The following TRPC5OS variants were observed in gnomAD, a reference collection of about 807,000 sequenced individuals.
The protein encoded by TRPC5OS is putative uncharacterized protein TRPC5OS.
For synonymous variants in TRPC5OS, 30 were observed against 29.3 expected, an observed-to-expected ratio of 1.02 and a Z score of -0.08; for missense variants, 64 against 79.3, an observed-to-expected ratio of 0.81 and a Z score of 0.73.
At chrX:111,877,755 T>G (rs770184347) in intron 1 of TRPC5OS, among the ~76,000 whole-genome samples, 6 of 110,456 alleles carry the variant, frequency 5.4e-5, no homozygotes, top group South Asian at 7.7e-4. Flanking sequence ...GAGGAAACGG[T>G]GAGAGAGAAA....
In TRPC5OS at chrX:111,877,975, A is replaced by T. The variant is rs376132205; in HGVS notation, c.-546+1702A>T. On this transcript the variant is annotated intron_variant, in intron 1 of 3. Transcript: ENST00000635763. ...TAGGTTCTGGTGATTAAGAAAAATAATTTTCTATGGAGTCCTGAAATCAGA... is the reference window on the plus strand; with the variant it reads ...TAGGTTCTGGTGATTAAGAAAAATATTTTTCTATGGAGTCCTGAAATCAGA... 9.9e-5 allele frequency among the ~76,000 whole-genome samples: 11 copies of T among 111,481 alleles called. No homozygotes were observed. In the East Asian group the frequency reaches 2.8e-3, roughly 29 times the overall value.
intron 1 of TRPC5OS, among the ~76,000 whole-genome samples, chrX:111,885,559 A>G (rs1413465901): frequency 9.1e-6 from 1 of 109,779 alleles, no homozygotes; most frequent in African/African-American, 3.3e-5. Flanking sequence ...TTTTTTTTTA[A>G]AAAAAGAAAA....
At chrX:111,890,656 C>T (rs779355228) in intron 1 of TRPC5OS, among the ~76,000 whole-genome samples, 30 of 111,773 alleles carry the variant, frequency 2.7e-4, no homozygotes, top group African/African-American at 8.8e-4. Context: ...TTAGTCAGAC[C>T]AGGAGTCTGA....
intron 1 of TRPC5OS, among the ~76,000 whole-genome samples, chrX:111,890,017 A>G (rs1364663717): frequency 9.0e-6 from 1 of 111,580 alleles, no homozygotes; most frequent in East Asian, 2.8e-4. Context: ...TGGTAAGCAA[A>G]CTATCATGGC....
intron 3 of TRPC5OS, among the ~76,000 whole-genome samples, chrX:111,897,940 G>A (rs1439921504): frequency 9.0e-6 from 1 of 110,504 alleles, no homozygotes; most frequent in Non-Finnish European, 1.9e-5. Context: ...TAGTTTTATA[G>A]GAAACTGATA....
At position 111,902,131 on chromosome X, in the gene TRPC5OS, T is replaced by C. The variant is rs1925381785; in HGVS notation, c.282T>C (p.Asp94=). The C allele has an allele frequency of 1.7e-6, 2 of 1,152,273 alleles. No homozygotes were observed. The highest frequency in any genetic ancestry group is 2.3e-6 in the Non-Finnish European group (2 of 871,483). 95.0% of individuals were successfully genotyped at this position (1,152,273 alleles called of 1,213,427 possible). Reference sequence around the variant, plus strand: ...TAGATCAGGCTATGTTAGACATGGATAACTTATATGAAGATACAGTCTCTG... The same window carrying C: ...TAGATCAGGCTATGTTAGACATGGACAACTTATATGAAGATACAGTCTCTG... ...FDIDQAMLDM[D]NLYEDTVSGI... is the part of the protein sequence containing the mutation. The change falls in exon 4 of 4, where the codon GAT becomes GAC. Residue 94 remains aspartate, a synonymous_variant. Coordinates refer to ENST00000635763, the MANE Select transcript of TRPC5OS (RefSeq NM_001195578.2).
chrX:111,895,824 C>T (rs1358264148), intron 1 of TRPC5OS, 127 bp from the exon 2 acceptor site: 2 of 111,728 alleles, frequency 1.8e-5, no homozygotes, highest in Non-Finnish European at 3.8e-5. Context: ...GAAGATGTTT[C>T]ACTATTACTA....
chrX:111,892,133 C>T (rs1011837707), intron 1 of TRPC5OS, among the ~76,000 whole-genome samples: 1 of 111,942 alleles, frequency 8.9e-6, no homozygotes, highest in African/African-American at 3.2e-5. Context: ...TAGAGGAGGC[C>T]ACAACTGGTG....
intron 1 of TRPC5OS, among the ~76,000 whole-genome samples, chrX:111,886,742 A>C (rs1210409863): frequency 2.7e-5 from 3 of 112,094 alleles, no homozygotes; most frequent in Non-Finnish European, 5.6e-5. Flanking sequence ...CAATTGCCAG[A>C]AGGTACCGAG....
rs764742199 is a variant in TRPC5OS at position 111,903,775 on chromosome X, G to T, written c.*1590G>T. On this transcript the variant is annotated 3_prime_UTR_variant, in exon 4 of 4. Transcript: ENST00000635763. ...GAAAATCAAGGAAGATAGGCTGGTA[G>T]ATGGCATTAGATTAGGTAGTACAAG... The T allele has an allele frequency of 3.4e-4, 38 of 112,125 alleles. No individual in the cohort carries two copies. Among genetic ancestry groups the T allele is most frequent in the Non-Finnish European group, 5.6e-4 (30 of 53,177 alleles). The allele number at this position is 112,125 out of a possible 1,213,427, so 9.2% of individuals were successfully genotyped here.
intron 1 of TRPC5OS, among the ~76,000 whole-genome samples, chrX:111,893,873 C>G (rs1859880): frequency 0.17 from 18,735 of 111,178 alleles, 2,834 homozygotes; most frequent in African/African-American, 0.49. Flanking sequence ...TGTAAATACT[C>G]TTTTTTATTC....
At chrX:111,899,528 G>A (rs778281114) in intron 3 of TRPC5OS, among the ~76,000 whole-genome samples, 9 of 111,239 alleles carry the variant, frequency 8.1e-5, no homozygotes, top group Non-Finnish European at 1.5e-4. Context: ...TGATCAAGAG[G>A]AGGAATAAAA....
chrX:111,901,050 A>T (rs2148614039), intron 3 of TRPC5OS, among the ~76,000 whole-genome samples: 1 of 111,671 alleles, frequency 9.0e-6, no homozygotes. Context: ...GTAATAGGAA[A>T]TTATCAAGGA....
Position 111,902,164 on chromosome X carries a change from T to C in TRPC5OS, c.315T>C (p.Asn105=). 8.8e-7 allele frequency: 1 copy of C among 1,138,663 alleles called. No individual in the cohort carries two copies. Among genetic ancestry groups the C allele is most frequent in the South Asian group, 2.0e-5 (1 of 48,860 alleles). The allele number at this position is 1,138,663 out of a possible 1,213,427, so 93.8% of individuals were successfully genotyped here. The change falls in exon 4 of 4, where the codon AAT becomes AAC. Residue 105 remains asparagine (N), a synonymous_variant. Coordinates refer to ENST00000635763, the MANE Select transcript of TRPC5OS (RefSeq NM_001195578.2). The part of the protein sequence containing the change: ...NLYEDTVSGI[N]DDLTGD ...ATGAAGATACAGTCTCTGGTATAAA[T>C]GATGACTTAACAGGTGACTAAGACC...
intron 1 of TRPC5OS, among the ~76,000 whole-genome samples, chrX:111,881,001 C>T (rs778363420): frequency 9.0e-6 from 1 of 111,468 alleles, no homozygotes; most frequent in Non-Finnish European, 1.9e-5. Context: ...CTTACACTCC[C>T]GTTACTGCAA....
At chrX:111,877,626 T>C (rs1446903600) in intron 1 of TRPC5OS, among the ~76,000 whole-genome samples, 3 of 111,042 alleles carry the variant, frequency 2.7e-5, no homozygotes, top group African/African-American at 9.8e-5. Flanking sequence ...ATAGAGATGA[T>C]GGGTAAAACC....
In TRPC5OS at chrX:111,877,327, A is replaced by G. The variant is rs754896942; in HGVS notation, c.-546+1054A>G. Among the ~76,000 whole-genome samples the G allele has an allele frequency of 5.3e-5, 6 of 112,159 alleles. No homozygotes were observed. In the East Asian group the frequency reaches 1.7e-3, roughly 31 times the overall value. ...AGAAGGAGGATATCTCTGCTACAAA[A>G]TGATGGAGAGGAATTAGGAGCTCAT... On this transcript the variant is annotated intron_variant, in intron 1 of 3. Coordinates refer to ENST00000635763, the MANE Select transcript of TRPC5OS (RefSeq NM_001195578.2).
chrX:111,888,693 C>CAA (rs753735549), intron 1 of TRPC5OS, among the ~76,000 whole-genome samples: 166 of 10,922 alleles, frequency 0.015, 11 homozygotes, highest in African/African-American at 0.029. Flanking sequence ...GACTCTATCT[C>CAA]AAAAAAAAAA....
intron 1 of TRPC5OS, among the ~76,000 whole-genome samples, chrX:111,893,894 C>T (rs1170410245): frequency 9.0e-6 from 1 of 111,612 alleles, no homozygotes; most frequent in Non-Finnish European, 1.9e-5. Flanking sequence ...ATTGTATTCC[C>T]ATAGAGATGC....
Sources: gnomAD v4.1 joint callset for allele counts (sites outside exome capture counted in the v4.1 genomes callset) on GRCh38, gnomAD v4.1.1 for gene constraint, MANE v1.5 for transcripts, NCBI Gene and HGNC (gene_info 2026-07-23, HGNC 2026-07-21) for gene names.